CHN1: variants seen among roughly 807,000 people sequenced by gnomAD.
CHN1 encodes the protein chimerin 1.
In CHN1, 37 loss-of-function variants were observed where a neutral mutation model predicts 59.5. The ratio of observed to expected loss-of-function variants is 0.62; its 90% CI spans 0.48 to 0.82. The LOEUF is 0.82. Among genes scored for constraint, CHN1 ranks in the 40% least tolerant of loss-of-function variants. The pLI, the probability that CHN1 is intolerant of heterozygous loss-of-function variation, is 0.00. For missense variants in CHN1, 469 were observed against 571.0 expected (o/e 0.82, Z 1.82); for synonymous variants, 206 against 200.4 (o/e 1.03, Z -0.24).
At chr2:174,899,521 A>T (rs1175208866) in intron 5 of CHN1, among the ~76,000 whole-genome samples, 1 of 152,198 alleles carries the variant, frequency 6.6e-6, no homozygotes, top group Non-Finnish European at 1.5e-5. Flanking sequence ...CAAGCTAAAC[A>T]TTGGTTTTAA....
At chr2:174,846,708 C>T (rs1055657038) in intron 7 of CHN1, among the ~76,000 whole-genome samples, 172 bp downstream of exon 7, 22 of 152,134 alleles carry the variant, frequency 1.4e-4, no homozygotes, top group African/African-American at 4.8e-4. Flanking sequence ...TTTCTATTAG[C>T]CTTATTCAGC....
chr2:174,849,535 C>T (rs970855374), intron 6 of CHN1, among the ~76,000 whole-genome samples: 6 of 152,074 alleles, frequency 3.9e-5, no homozygotes, highest in African/African-American at 1.2e-4. Flanking sequence ...TTGTAAATAA[C>T]AAAAATTGAT....
At chr2:174,827,596 ATTG>A (rs1373010749) in intron 7 of CHN1, among the ~76,000 whole-genome samples, 2 of 152,118 alleles carry the variant, frequency 1.3e-5, no homozygotes, top group African/African-American at 4.8e-5. Flanking sequence ...GCCACTGAGG[ATTG>A]TTAAGGGGAG....
intron 1 of CHN1, among the ~76,000 whole-genome samples, chr2:174,961,795 T>C (rs1690419066): frequency 6.6e-6 from 1 of 152,124 alleles, no homozygotes; most frequent in African/African-American, 2.4e-5. Flanking sequence ...CCACATGCCA[T>C]GTAGCTTCTA....
In CHN1 at chr2:174,799,304, CAA is replaced by C; in HGVS notation, c.*810_*811del. Reference sequence around the variant, plus strand: ...GAAGCTTATCACTTTTAACAGTAAACAAAAGAGGTCAGAAGAAGTACTCAGTA... The same window carrying C: ...GAAGCTTATCACTTTTAACAGTAAACAAGAGGTCAGAAGAAGTACTCAGTA... On this transcript the variant is annotated 3_prime_UTR_variant, in exon 13 of 13. Coordinates refer to ENST00000409900, the MANE Select transcript of CHN1 (RefSeq NM_001822.7). 1 of 353,858 alleles carries C rather than the reference CAA, an allele frequency of 2.8e-6. No individual in the cohort carries two copies. Among genetic ancestry groups the C allele is most frequent in the Non-Finnish European group, 5.4e-6 (1 of 184,086 alleles). 21.9% of individuals were successfully genotyped at this position (353,858 alleles called of 1,614,324 possible). A position where few individuals can be genotyped will look rare whatever the true frequency, so the allele number is the denominator to read the frequency against.
At chr2:174,814,959 AT>A (rs199770933) in intron 8 of CHN1, among the ~76,000 whole-genome samples, 3 of 148,558 alleles carry the variant, frequency 2.0e-5, no homozygotes, top group South Asian at 2.1e-4. Context: ...GTTTTCAGCT[AT>A]TTTTTTTTTC....
At chr2:174,818,332 A>G (rs1685352795) in intron 8 of CHN1, among the ~76,000 whole-genome samples, 1 of 152,216 alleles carries the variant, frequency 6.6e-6, no homozygotes, top group South Asian at 2.1e-4. Flanking sequence ...GACAGGGCAA[A>G]GTCATTAAAA....
chr2:175,004,153 G>GA (rs1310150441), intron 1 of CHN1, among the ~76,000 whole-genome samples: 1 of 152,154 alleles, frequency 6.6e-6, no homozygotes, highest in Non-Finnish European at 1.5e-5. Context: ...TTTGTAAAAG[G>GA]AAAGAATGTA....
intron 6 of CHN1, among the ~76,000 whole-genome samples, chr2:174,874,013 A>C (rs1687485292): frequency 6.6e-6 from 1 of 152,236 alleles, no homozygotes; most frequent in South Asian, 2.1e-4. Context: ...CATCCTGCCT[A>C]GATTCAGAGA....
chr2:174,806,258 C>G, intron 11 of CHN1, among the ~76,000 whole-genome samples: 1 of 152,156 alleles, frequency 6.6e-6, no homozygotes, highest in Admixed American at 6.5e-5. Flanking sequence ...CCCTTGCTTT[C>G]CTTTTTCATT....
At chr2:174,973,306 A>G (rs1316225897) in intron 1 of CHN1, among the ~76,000 whole-genome samples, 1 of 152,188 alleles carries the variant, frequency 6.6e-6, no homozygotes, top group East Asian at 1.9e-4. Flanking sequence ...CATAATAAGC[A>G]CAGTTATTCA....
chr2:174,983,275 C>T lies in CHN1; in HGVS notation c.19+21619G>A, dbSNP rs80009946. Among the ~76,000 whole-genome samples, 1,196 of 152,158 alleles carry T rather than the reference C, an allele frequency of 7.9e-3. 13 individuals carry two copies. Among genetic ancestry groups the T allele is most frequent in the South Asian group, 0.024 (118 of 4,818 alleles). ...CATTGTATATTTTATATGTGTTACA[C>T]TTTTGTTTTAAAAAAAGTTGTAATC... On this transcript the variant is annotated intron_variant, in intron 1 of 12. Coordinates refer to ENST00000409900, the MANE Select transcript of CHN1 (RefSeq NM_001822.7).
intron 5 of CHN1, among the ~76,000 whole-genome samples, chr2:174,908,929 TCA>T (rs1688615554): frequency 6.6e-6 from 1 of 152,216 alleles, no homozygotes; most frequent in Admixed American, 6.5e-5. Context: ...GTTTTCCATA[TCA>T]CCTTTAAAAT....
rs765133543 is a variant in CHN1, at chr2:174,812,274, G to A, written c.886+35C>T. 14 of 1,572,884 alleles carry A rather than the reference G, an allele frequency of 8.9e-6. No homozygotes were observed. The East Asian group carries it at 9.0e-5, about 10-fold the overall frequency. On this transcript the variant is annotated intron_variant, in intron 9 of 12. Transcript: ENST00000409900. ...ATCAGGATTGGTACTGGTAGTGAAC[G>A]GAGACCACTGCAACCCGCACTGCAA...
intron 11 of CHN1, among the ~76,000 whole-genome samples, chr2:174,803,656 G>A (rs764759949): frequency 1.3e-5 from 2 of 152,216 alleles, no homozygotes; most frequent in Non-Finnish European, 2.9e-5. Flanking sequence ...CTGGGCTCAG[G>A]TGATCCTCCT....
intron 5 of CHN1, among the ~76,000 whole-genome samples, chr2:174,887,526 GAA>G (rs2105343461): frequency 6.6e-6 from 1 of 152,170 alleles, no homozygotes; most frequent in East Asian, 1.9e-4. Context: ...TATAGATAAG[GAA>G]ACTGAAACTT....
At chr2:174,962,543 A>AT (rs1690444917) in intron 1 of CHN1, among the ~76,000 whole-genome samples, 1 of 152,088 alleles carries the variant, frequency 6.6e-6, no homozygotes, top group Admixed American at 6.5e-5. Flanking sequence ...CATCAGCAGA[A>AT]TATGACTGAG....
intron 1 of CHN1, among the ~76,000 whole-genome samples, chr2:174,997,084 T>C (rs1372982878): frequency 6.6e-6 from 1 of 152,210 alleles, no homozygotes; most frequent in East Asian, 1.9e-4. Context: ...AATTCCTTGA[T>C]GGCAGGAACA....
Position 175,005,120 on chromosome 2 carries a change from C to T in CHN1, c.-208G>A. On this transcript the variant is annotated 5_prime_UTR_variant, in exon 1 of 13. It adds an upstream start codon to the 5' untranslated region. Transcript: ENST00000409900. ...TATTCACGCGTTATTGTCGGGCGCA[C>T]CGGGCCCAGGGAGCCCCGCTAGCTC... The T allele has an allele frequency of 7.6e-7, 1 of 1,318,728 alleles. No homozygotes were observed. The highest frequency in any genetic ancestry group is 9.7e-7 in the Non-Finnish European group (1 of 1,032,206). The allele number at this position is 1,318,728 out of a possible 1,614,324, so 81.7% of individuals were successfully genotyped here.
Sources: allele counts gnomAD v4.1 joint callset (sites outside exome capture counted in the v4.1 genomes callset), GRCh38; gene constraint gnomAD v4.1.1; transcripts MANE v1.5; gene names NCBI Gene and HGNC (gene_info 2026-07-23, HGNC 2026-07-21).